The following RERE variants were observed in gnomAD, a reference collection of about 807,000 sequenced individuals.
RERE encodes the protein arginine-glutamic acid dipeptide repeats, also known as arginine-glutamic acid dipeptide repeats protein.
In RERE, 40 loss-of-function variants were observed where a neutral mutation model predicts 146.1. The ratio of observed to expected loss-of-function variants is 0.27; its 90% CI spans 0.21 to 0.36. RERE has a LOEUF of 0.36. RERE is among the 10% of genes least tolerant of loss of function. The pLI is 1.00. For synonymous variants in RERE, 1,003 were observed against 866.0 expected, an observed-to-expected ratio of 1.16 and a Z score of -2.78; for missense variants, 1,933 against 2,138.7, an observed-to-expected ratio of 0.90 and a Z score of 1.90.
At chr1:8,442,154 G>A (rs1644257966) in intron 11 of RERE, among the ~76,000 whole-genome samples, 2 of 152,138 alleles carry the variant, frequency 1.3e-5, no homozygotes, top group South Asian at 2.1e-4. Flanking sequence ...GGAGGCTTAG[G>A]TGGGCAGATT....
chr1:8,662,500 A>T (rs1268990264), intron 1 of RERE, among the ~76,000 whole-genome samples: 1 of 152,214 alleles, frequency 6.6e-6, no homozygotes, highest in African/African-American at 2.4e-5. Flanking sequence ...TGGGAAACAC[A>T]GCAAGACCCC....
chr1:8,458,564 TGTGCG>T (rs778351122), intron 11 of RERE, among the ~76,000 whole-genome samples: 1 of 152,242 alleles, frequency 6.6e-6, no homozygotes, highest in Non-Finnish European at 1.5e-5. Flanking sequence ...AACACAGACG[TGTGCG>T]CATGCGCGCA....
chr1:8,617,259 G>A (rs1008753995), intron 3 of RERE, among the ~76,000 whole-genome samples: 9 of 150,704 alleles, frequency 6.0e-5, no homozygotes, highest in East Asian at 5.8e-4. Context: ...CAGGAGAATC[G>A]CTTGAACCCA....
At chr1:8,494,944 C>T (rs1369457257) in intron 10 of RERE, 119 bp downstream of exon 10, 1 of 732,942 alleles carries the variant, frequency 1.4e-6, no homozygotes, top group Non-Finnish European at 2.4e-6. Context: ...CAGCCAAGAC[C>T]ACAACTCACT....
chr1:8,770,856 T>C (rs1446020397), intron 1 of RERE, among the ~76,000 whole-genome samples: 2 of 152,204 alleles, frequency 1.3e-5, no homozygotes, highest in Admixed American at 1.3e-4. Context: ...TCGTTCATAA[T>C]AGCAAATAAC....
intron 1 of RERE, among the ~76,000 whole-genome samples, chr1:8,742,953 G>A (rs1461711753): frequency 6.6e-6 from 1 of 151,638 alleles, no homozygotes. Context: ...ACAGTCTAAA[G>A]GGGGGAAAAA....
Position 8,364,505 on chromosome 1 carries a change from C to T in RERE, c.1540+241G>A, listed in dbSNP as rs1422858606. 6.6e-6 allele frequency among the ~76,000 whole-genome samples: 1 copy of T among 152,136 alleles called. No homozygotes were observed. Among genetic ancestry groups the T allele is most frequent in the East Asian group, 1.9e-4 (1 of 5,176 alleles). ...GCTGGCAGCAAGCTCCTGGGAACTA[C>T]AGTGTCAACCCCCCAATCCCACTCA... On this transcript the variant is annotated intron_variant, in intron 14 of 22. Coordinates refer to ENST00000400908, the MANE Select transcript of RERE (RefSeq NM_001042681.2). The surrounding 1 kb of genome is among the most constrained non-coding windows in gnomAD (Gnocchi z 5.1).
chr1:8,612,603 T>A (rs1646805443), intron 4 of RERE, among the ~76,000 whole-genome samples: 3 of 152,168 alleles, frequency 2.0e-5, no homozygotes, highest in Admixed American at 6.5e-5. Context: ...TACAAAAAAA[T>A]TAATGTTATT....
At chr1:8,397,891 A>G (rs1049448777) in intron 12 of RERE, among the ~76,000 whole-genome samples, 1 of 152,250 alleles carries the variant, frequency 6.6e-6, no homozygotes, top group African/African-American at 2.4e-5. Context: ...TTCAACTTTA[A>G]TTCAATCATA....
At chr1:8,385,045 G>A (rs1039665646) in intron 12 of RERE, among the ~76,000 whole-genome samples, 1 of 152,212 alleles carries the variant, frequency 6.6e-6, no homozygotes, top group Non-Finnish European at 1.5e-5. Flanking sequence ...CCAGCCACAG[G>A]TCCTGTGTCC....
intron 1 of RERE, among the ~76,000 whole-genome samples, chr1:8,809,157 A>AAAAAAAAAAT (rs985140466): frequency 8.2e-5 from 12 of 146,122 alleles, no homozygotes; most frequent in African/African-American, 3.3e-4. Context: ...AAAAAAAAAA[A>AAAAAAAAAAT]AAAGTACTGA....
intron 10 of RERE, among the ~76,000 whole-genome samples, chr1:8,474,002 A>G (rs1644723338): frequency 6.6e-6 from 1 of 152,246 alleles, no homozygotes; most frequent in African/African-American, 2.4e-5. Context: ...TGATTAGCAG[A>G]AAGAAAGGAT....
chr1:8,576,216 GA>G (rs76238175), intron 4 of RERE, among the ~76,000 whole-genome samples: 400 of 141,154 alleles, frequency 2.8e-3, no homozygotes, highest in African/African-American at 5.9e-3. Flanking sequence ...TGGTTCTAGG[GA>G]AAAAAAAAAA....
In RERE at chr1:8,741,598, C is replaced by CA. The variant is rs200784697; in HGVS notation, c.-145+75561dup. ...GCTCTTCCCCACTTCGCTCAGCACT[C>CA]ACTCTGTCCTGCCACCCTGTGAAGA... On this transcript the variant is annotated intron_variant, in intron 1 of 22. Coordinates refer to ENST00000400908, the MANE Select transcript of RERE (RefSeq NM_001042681.2). 7.5e-3 allele frequency among the ~76,000 whole-genome samples: 1,145 copies of CA among 152,282 alleles called. 18 individuals carry two copies. Among genetic ancestry groups the CA allele is most frequent in the African/African-American group, 0.026 (1,074 of 41,530 alleles).
At chr1:8,556,384 G>C (rs995562427) in intron 6 of RERE, 91 bp downstream of exon 6, 1 of 786,428 alleles carries the variant, frequency 1.3e-6, no homozygotes, top group African/African-American at 1.7e-5. Context: ...GATTAATACA[G>C]TGACTACTAA....
chr1:8,685,499 A>C (rs1338906026), intron 1 of RERE, among the ~76,000 whole-genome samples: 1 of 152,148 alleles, frequency 6.6e-6, no homozygotes, highest in African/African-American at 2.4e-5. Context: ...AGGTGGGTGG[A>C]TCGCGAGGTC....
intron 1 of RERE, among the ~76,000 whole-genome samples, chr1:8,803,249 G>A (rs547761510): frequency 9.9e-5 from 15 of 152,022 alleles, no homozygotes; most frequent in African/African-American, 2.9e-4. Flanking sequence ...AGGCCGAGGC[G>A]GGAGGATCAC....
intron 6 of RERE, among the ~76,000 whole-genome samples, chr1:8,548,173 G>A (rs1645889717): frequency 6.6e-6 from 1 of 152,208 alleles, no homozygotes; most frequent in African/African-American, 2.4e-5. Flanking sequence ...CTGCTGATTT[G>A]TGAAAAGAAA....
At chr1:8,486,237 A>G (rs1290485563) in intron 10 of RERE, among the ~76,000 whole-genome samples, 1 of 152,198 alleles carries the variant, frequency 6.6e-6, no homozygotes. Context: ...AACTACAGAG[A>G]GCAAGTTGAT....
Sources: gnomAD v4.1 joint callset for allele counts (sites outside exome capture counted in the v4.1 genomes callset) on GRCh38, gnomAD v4.1.1 for gene constraint, Gnocchi (gnomAD v3.1) non-coding constraint, MANE v1.5 for transcripts, NCBI Gene and HGNC (gene_info 2026-07-23, HGNC 2026-07-21) for gene names.